The following ZNF133 variants were observed in gnomAD, a reference collection of about 807,000 sequenced individuals.
The protein encoded by ZNF133 is zinc finger protein 133.
In ZNF133, 26 loss-of-function variants were observed where a neutral mutation model predicts 54.9. The ratio of observed to expected loss-of-function variants is 0.47; its 90% CI spans 0.35 to 0.66. ZNF133 has a LOEUF of 0.66. Among genes scored for constraint, ZNF133 ranks in the 30% least tolerant of loss-of-function variants. The pLI is 0.01. For synonymous variants in ZNF133, 298 were observed against 320.3 expected, an observed-to-expected ratio of 0.93 and a Z score of 0.74; for missense variants, 653 against 820.8, an observed-to-expected ratio of 0.80 and a Z score of 2.50.
At chr20:18,295,743 A>G (rs2042105458) in intron 1 of ZNF133, among the ~76,000 whole-genome samples, 1 of 149,264 alleles carries the variant, frequency 6.7e-6, no homozygotes, top group Non-Finnish European at 1.5e-5. Flanking sequence ...TGCAGCCTCA[A>G]CCTCCCAGGT....
chr20:18,294,453 A>T (rs1350784770), intron 1 of ZNF133, among the ~76,000 whole-genome samples: 1 of 152,144 alleles, frequency 6.6e-6, no homozygotes, highest in Non-Finnish European at 1.5e-5. Context: ...AAACTGGCAA[A>T]ATTTAATTAA....
At chr20:18,302,641 G>A (rs2043644396) in intron 3 of ZNF133, among the ~76,000 whole-genome samples, 1 of 152,180 alleles carries the variant, frequency 6.6e-6, no homozygotes, top group Non-Finnish European at 1.5e-5. Context: ...AGGCAGCAAT[G>A]CCCACTTTTG....
chr20:18,304,271 T>A (rs2044104721), intron 3 of ZNF133, among the ~76,000 whole-genome samples: 1 of 152,214 alleles, frequency 6.6e-6, no homozygotes, highest in Non-Finnish European at 1.5e-5. Context: ...CAGTAAGTGT[T>A]GACAAGGTTG....
At chr20:18,306,834 G>T in intron 6 of ZNF133, 1 of 1,097,990 alleles carries the variant, frequency 9.1e-7, no homozygotes, top group Non-Finnish European at 1.2e-6. Context: ...ATTCAAGAAT[G>T]GCTTTTACAT....
chr20:18,299,452 A>G (rs760149037), intron 3 of ZNF133, among the ~76,000 whole-genome samples: 3 of 152,232 alleles, frequency 2.0e-5, no homozygotes, highest in Admixed American at 6.5e-5. Flanking sequence ...ACTATGGGAT[A>G]CTATCAAGTG....
chr20:18,294,032 A>G (rs2041699789), intron 1 of ZNF133, among the ~76,000 whole-genome samples: 1 of 152,220 alleles, frequency 6.6e-6, no homozygotes, highest in South Asian at 2.1e-4. Flanking sequence ...GAGAAATAGG[A>G]TATTTGTATA....
chr20:18,315,017 CT>C (rs2047127984), intron 6 of ZNF133, 51 bp from the exon 7 acceptor site: 1 of 1,500,920 alleles, frequency 6.7e-7, no homozygotes, highest in Non-Finnish European at 8.9e-7. Context: ...AAGCTGATTG[CT>C]CAGGCTGCCC....
chr20:18,300,880 A>C (rs949736512), intron 3 of ZNF133, among the ~76,000 whole-genome samples: 5 of 152,100 alleles, frequency 3.3e-5, no homozygotes, highest in African/African-American at 1.2e-4. Flanking sequence ...ACCCCACTCT[A>C]AATAATGGAT....
intron 6 of ZNF133, among the ~76,000 whole-genome samples, chr20:18,312,470 C>T (rs887763308): frequency 6.6e-6 from 1 of 152,214 alleles, no homozygotes; most frequent in African/African-American, 2.4e-5. Context: ...CAGGCTTTAT[C>T]TTACTTTGAA....
chr20:18,300,743 G>T (rs997541427), intron 3 of ZNF133, among the ~76,000 whole-genome samples: 4 of 151,968 alleles, frequency 2.6e-5, no homozygotes, highest in Non-Finnish European at 5.9e-5. Context: ...AATACAAAAG[G>T]TTTACTACAG....
intron 3 of ZNF133, among the ~76,000 whole-genome samples, chr20:18,302,187 G>C (rs961284853): frequency 5.9e-5 from 9 of 152,038 alleles, no homozygotes; most frequent in Non-Finnish European, 2.9e-5. Flanking sequence ...GATCACCTGA[G>C]GTCAGGAGTT....
Position 18,305,126 on chromosome 20 carries a change from G to C in ZNF133, c.-59G>C. On this transcript the variant is annotated 5_prime_UTR_variant, in exon 4 of 7. Coordinates refer to ENST00000425686, the MANE Select transcript of ZNF133 (RefSeq NM_001352452.2). The surrounding 1 kb of genome is among the most constrained non-coding windows in gnomAD (Gnocchi z 4.7). Reference sequence around the variant, plus strand: ...GAGTGGCCAAGAAGCTCCATGGTGAGCACTCACAGTCTAAGGCTGGAAGTT... The same window carrying C: ...GAGTGGCCAAGAAGCTCCATGGTGACCACTCACAGTCTAAGGCTGGAAGTT... 1 of 985,826 alleles carries C rather than the reference G, an allele frequency of 1.0e-6. No homozygotes were observed. Among genetic ancestry groups the C allele is most frequent in the Non-Finnish European group, 1.2e-6 (1 of 830,274 alleles). 61.1% of individuals were successfully genotyped at this position (985,826 alleles called of 1,614,324 possible).
At chr20:18,306,911 C>A in intron 6 of ZNF133, 2 of 416,864 alleles carry the variant, frequency 4.8e-6, no homozygotes, top group Non-Finnish European at 6.4e-6. Flanking sequence ...AAAGCCTGAA[C>A]TATTTACTAT....
At chr20:18,293,894 G>T (rs887040236) in intron 1 of ZNF133, among the ~76,000 whole-genome samples, 1 of 152,162 alleles carries the variant, frequency 6.6e-6, no homozygotes, top group Non-Finnish European at 1.5e-5. Context: ...TTTGACAGAA[G>T]AATTCTAATT....
chr20:18,299,023 T>A lies in ZNF133; in HGVS notation c.-178+559T>A, dbSNP rs562631300. On this transcript the variant is annotated intron_variant, in intron 3 of 6. Coordinates refer to ENST00000425686, the MANE Select transcript of ZNF133 (RefSeq NM_001352452.2). ...TAACAGAGTTGCTGCTTTATAAGAT[T>A]TAAATGTCCAGTTTTTGACAAAAAT... is the stretch of plus-strand genomic sequence containing the variant. Among the ~76,000 whole-genome samples, 17 of 152,100 alleles carry A rather than the reference T, an allele frequency of 1.1e-4. No individual in the cohort carries two copies. In the Middle Eastern group the frequency reaches 0.014, roughly 122 times the overall value.
chr20:18,290,590 A>G (rs1410873473), intron 1 of ZNF133, among the ~76,000 whole-genome samples: 1 of 151,708 alleles, frequency 6.6e-6, no homozygotes, highest in African/African-American at 2.4e-5. Flanking sequence ...TATCTAGCCC[A>G]TATTGTTTTC....
chr20:18,312,380 T>G lies in ZNF133; in HGVS notation c.218-2689T>G, dbSNP rs116877352. On this transcript the variant is annotated intron_variant, in intron 6 of 6. Coordinates refer to ENST00000425686, the MANE Select transcript of ZNF133 (RefSeq NM_001352452.2). Reference sequence around the variant, plus strand: ...GAAAGCCTACATATCAGAACCAAGTTTTATATCACTAGAATATTATGCTAA... The same window carrying G: ...GAAAGCCTACATATCAGAACCAAGTGTTATATCACTAGAATATTATGCTAA... 2.4e-4 allele frequency among the ~76,000 whole-genome samples: 37 copies of G among 152,372 alleles called. No homozygotes were observed. In the East Asian group the frequency reaches 7.1e-3, roughly 29 times the overall value.
chr20:18,315,614 A>G lies in ZNF133; in HGVS notation c.763A>G (p.Lys255Glu). The change falls in exon 7 of 7, where the codon AAG (lysine) becomes GAG (glutamate). Residue 255 changes from lysine (K) to glutamate (E), a missense_variant. This residue lies in a region of ZNF133 where 292 missense variants were observed against 431.6 expected (regional missense o/e 0.68). Transcript: ENST00000425686. ...ATGTGAGAAGGGCTTCAGCCTAAAG[A>G]AGAGCCTCGCCAGACACCAGAAGGC... ...GVCEKGFSLK[K>E]SLARHQKAHS... is the part of the protein sequence containing the mutation. The G allele has an allele frequency of 6.2e-7, 1 of 1,613,698 alleles. No homozygotes were observed. Among genetic ancestry groups the G allele is most frequent in the Non-Finnish European group, 8.5e-7 (1 of 1,179,876 alleles).
At chr20:18,294,254 C>T (rs1055241081) in intron 1 of ZNF133, among the ~76,000 whole-genome samples, 3 of 152,228 alleles carry the variant, frequency 2.0e-5, no homozygotes, top group East Asian at 1.9e-4. Context: ...GTGAAAAACT[C>T]GTTCTAATCA....
Sources: gnomAD v4.1 joint callset for allele counts (sites outside exome capture counted in the v4.1 genomes callset) on GRCh38, gnomAD v4.1.1 for gene constraint, gnomAD v4.1.1 regional missense constraint, Gnocchi (gnomAD v3.1) non-coding constraint, MANE v1.5 for transcripts, NCBI Gene and HGNC (gene_info 2026-07-23, HGNC 2026-07-21) for gene names.